DNAH12: variants seen among roughly 807,000 people sequenced by gnomAD.
The protein encoded by DNAH12 is axonemal beta dynein heavy chain 12.
Under a neutral mutation model 371.5 loss-of-function variants are expected in DNAH12, and 285 were observed. The ratio of observed to expected loss-of-function variants is 0.77; its 90% confidence interval spans 0.70 to 0.85. The LOEUF (loss-of-function observed/expected upper bound fraction) is 0.85. Among genes scored for constraint, DNAH12 ranks in the 40% least tolerant of loss-of-function variants. DNAH12 has a pLI of 0.00. For synonymous variants in DNAH12, 1,200 were observed against 1,213.0 expected (o/e 0.99, Z 0.22); for missense variants, 3,611 against 3,689.4 (o/e 0.98, Z 0.55).
In DNAH12 at chr3:57,458,085, ATTAT is replaced by A. The variant is rs1332294567; in HGVS notation, c.3053+10_3053+13del. On this transcript the variant is annotated intron_variant, in intron 21 of 73. Transcript: ENST00000495027. ...AATGTTTTTAATTACAGCACAATTG[ATTAT>A]TTATCATACCGAGGGAAGAAAAGAC... The A allele has an allele frequency of 6.5e-7, 1 of 1,540,726 alleles. No individual in the cohort carries two copies. Among genetic ancestry groups the A allele is most frequent in the Non-Finnish European group, 8.7e-7 (1 of 1,143,826 alleles).
At chr3:57,450,249 T>TAAAAAAAA (rs1559675073) in intron 25 of DNAH12, among the ~76,000 whole-genome samples, 3 of 15,984 alleles carry the variant, frequency 1.9e-4, no homozygotes, top group African/African-American at 7.5e-4. Flanking sequence ...CTGTCTCAAT[T>TAAAAAAAA]TAAAAAAAAA....
intron 34 of DNAH12, among the ~76,000 whole-genome samples, chr3:57,427,896 A>C (rs2064830631): frequency 6.6e-6 from 1 of 151,726 alleles, no homozygotes; most frequent in South Asian, 2.1e-4. Flanking sequence ...CTGTGAGAGA[A>C]TCAATTTCTG....
intron 45 of DNAH12, among the ~76,000 whole-genome samples, chr3:57,391,204 T>C (rs2153347084): frequency 6.6e-6 from 1 of 152,340 alleles, no homozygotes; most frequent in Non-Finnish European, 1.5e-5. Flanking sequence ...CATTATACAC[T>C]GAGTAAAGCA....
intron 38 of DNAH12, among the ~76,000 whole-genome samples, chr3:57,414,153 G>A (rs1462761056): frequency 9.9e-6 from 1 of 100,706 alleles, no homozygotes. Context: ...GCAGCATTAT[G>A]TGTGTGTTTT....
At chr3:57,386,115 A>T (rs2063495509) in intron 47 of DNAH12, among the ~76,000 whole-genome samples, 2 of 152,200 alleles carry the variant, frequency 1.3e-5, no homozygotes, top group African/African-American at 4.8e-5. Context: ...CTTATATTTA[A>T]CCAGCTTTTA....
At chr3:57,507,916 C>A in intron 7 of DNAH12, 78 bp from the exon 8 acceptor site, 1 of 1,315,212 alleles carries the variant, frequency 7.6e-7, no homozygotes, top group South Asian at 1.5e-5. Context: ...GGGCCGGGCT[C>A]GGTGGTTCAC....
chr3:57,502,429 A>G lies in DNAH12; in HGVS notation c.1137T>C (p.Asn379=). 1 of 1,614,180 alleles carries G rather than the reference A, an allele frequency of 6.2e-7. No homozygotes were observed. Among genetic ancestry groups the G allele is most frequent in the Non-Finnish European group, 8.5e-7 (1 of 1,180,036 alleles). ...SWLSGTSTPV[N]LDTELPEHVL... Reference sequence around the variant, plus strand: ...CGTGTTCAGGAAGTTCTGTGTCAAGATTTACTGGTGTTGAAGTTCCTGATA... The same window carrying G: ...CGTGTTCAGGAAGTTCTGTGTCAAGGTTTACTGGTGTTGAAGTTCCTGATA... Residue 379 remains asparagine (N), a synonymous_variant, in exon 10 of 74, where the codon AAT becomes AAC. Coordinates refer to ENST00000495027, the MANE Select transcript of DNAH12 (RefSeq NM_001366028.2).
chr3:57,412,288 C>A (rs368877710), intron 39 of DNAH12, among the ~76,000 whole-genome samples: 14 of 152,126 alleles, frequency 9.2e-5, no homozygotes, highest in East Asian at 3.9e-4. Flanking sequence ...AATTTTACAC[C>A]CTTTACAACA....
chr3:57,360,095 A>G (rs1234015034), intron 58 of DNAH12, among the ~76,000 whole-genome samples: 1 of 152,156 alleles, frequency 6.6e-6, no homozygotes, highest in Non-Finnish European at 1.5e-5. Flanking sequence ...AAGCCAATAA[A>G]TGCTCCCTAT....
intron 43 of DNAH12, among the ~76,000 whole-genome samples, chr3:57,397,125 A>T (rs2153349514): frequency 1.3e-5 from 2 of 152,364 alleles, no homozygotes; most frequent in East Asian, 3.9e-4. Context: ...GGTATTACCC[A>T]AATTTTACAA....
intron 64 of DNAH12, 124 bp downstream of exon 64, chr3:57,322,883 T>G: frequency 7.4e-7 from 1 of 1,352,856 alleles, no homozygotes; most frequent in Non-Finnish European, 9.8e-7. Context: ...TGAGCCGAAA[T>G]TGCGCCACTG....
intron 29 of DNAH12, among the ~76,000 whole-genome samples, chr3:57,440,135 TAAAAC>T (rs1405426334): frequency 7.2e-5 from 11 of 152,112 alleles, no homozygotes; most frequent in Admixed American, 7.2e-4. Context: ...TCAAAAAACT[TAAAAC>T]AGAACTACCA....
intron 60 of DNAH12, among the ~76,000 whole-genome samples, chr3:57,349,075 T>C (rs191647039): frequency 3.0e-4 from 45 of 152,302 alleles, no homozygotes; most frequent in African/African-American, 1.1e-3. Context: ...TCACAATCTA[T>C]ATATCTGGCA....
chr3:57,387,097 A>G lies in DNAH12; in HGVS notation c.7428T>C (p.Asp2476=), dbSNP rs1238470071. The part of the protein sequence containing the change: ...ICKHFHTSIM[D]LSERFLHELG... ...TCACTAATATTAACCTTTCTGAAAG[A>G]TCCATAATGGAGGTGTGAAAGTGTT... Residue 2476 remains aspartate (D), a synonymous_variant, in exon 46 of 74, where the codon GAT becomes GAC. Coordinates refer to ENST00000495027, the MANE Select transcript of DNAH12 (RefSeq NM_001366028.2). The G allele has an allele frequency of 3.9e-5, 6 of 152,178 alleles. No homozygotes were observed. The highest frequency in any genetic ancestry group is 8.8e-5 in the Non-Finnish European group (6 of 68,038). The allele number at this position is 152,178 out of a possible 1,614,324, so 9.4% of individuals were successfully genotyped here.
intron 43 of DNAH12, among the ~76,000 whole-genome samples, chr3:57,402,598 T>C (rs782608114): frequency 2.6e-5 from 4 of 152,206 alleles, no homozygotes; most frequent in African/African-American, 4.8e-5. Context: ...AAGATAAACA[T>C]TACATGTTCT....
At chr3:57,346,733 AC>A (rs2062551838) in intron 60 of DNAH12, among the ~76,000 whole-genome samples, 1 of 152,164 alleles carries the variant, frequency 6.6e-6, no homozygotes, top group Non-Finnish European at 1.5e-5. Context: ...ACATAGAAAG[AC>A]ACAGATACAT....
intron 13 of DNAH12, among the ~76,000 whole-genome samples, 184 bp downstream of exon 13, chr3:57,483,192 C>T (rs138054047): frequency 1.3e-5 from 2 of 151,586 alleles, no homozygotes; most frequent in African/African-American, 2.4e-5. Flanking sequence ...AGAGGCATGG[C>T]GATCAGAAAG....
At chr3:57,426,480 G>A (rs2064771942) in intron 34 of DNAH12, among the ~76,000 whole-genome samples, 1 of 152,012 alleles carries the variant, frequency 6.6e-6, no homozygotes, top group Admixed American at 6.6e-5. Context: ...GGAGGTGGCT[G>A]CAGAAACAGG....
chr3:57,530,448 ATACATGCC>A (rs2068801113), intron 2 of DNAH12: 2 of 700,078 alleles, frequency 2.9e-6, no homozygotes, highest in Non-Finnish European at 5.3e-6. Context: ...CCTTGATGTG[ATACATGCC>A]AGATGCTTGC....
Sources: allele counts gnomAD v4.1 joint callset (sites outside exome capture counted in the v4.1 genomes callset), GRCh38; gene constraint gnomAD v4.1.1; transcripts MANE v1.5; gene names NCBI Gene and HGNC (gene_info 2026-07-23, HGNC 2026-07-21).